P2RX7: variants seen among roughly 807,000 people sequenced by gnomAD.
P2RX7 encodes the protein P2X purinoceptor 7.
Under a neutral mutation model 71.6 loss-of-function variants are expected in P2RX7, and 62 were observed. The observed-to-expected ratio is 0.87, with a 90% CI of 0.71 to 1.07. The LOEUF is 1.07. P2RX7 is among the 50% of genes least tolerant of loss of function. The probability of loss-of-function intolerance (pLI) is 0.00; values close to 1 mark genes in which losing one functional copy is unlikely to be tolerated. For missense variants in P2RX7, 686 were observed against 748.5 expected (o/e 0.92, Z 0.97); for synonymous variants, 299 against 283.3 (o/e 1.06, Z -0.56).
At position 121,149,045 on chromosome 12, in the gene P2RX7, C is replaced by G; in HGVS notation, c.126-5740C>G. 1 of 579,906 alleles carries G rather than the reference C, an allele frequency of 1.7e-6. No individual in the cohort carries two copies. Among genetic ancestry groups the G allele is most frequent in the South Asian group, 1.4e-5 (1 of 69,994 alleles). 35.9% of individuals were successfully genotyped at this position (579,906 alleles called of 1,614,324 possible). ...AGAGGAACTTTGCTGAAAGGGAGGT[C>G]CTCCCTGCAGAGCTTGAAGAGCAAT... is the stretch of plus-strand genomic sequence containing the variant. On this transcript the variant is annotated intron_variant, in intron 1 of 12. Transcript: ENST00000328963. This position sits in a 1 kb window ranked among gnomAD's most constrained non-coding sequence, Gnocchi z 4.7.
intron 1 of P2RX7, among the ~76,000 whole-genome samples, chr12:121,137,565 TG>T (rs1169796104): frequency 6.6e-6 from 1 of 152,260 alleles, no homozygotes; most frequent in East Asian, 1.9e-4. Context: ...TCACCAGCTT[TG>T]CTTTTTTCCT....
chr12:121,156,638 A>G (rs1878634583), intron 3 of P2RX7, among the ~76,000 whole-genome samples: 2 of 152,146 alleles, frequency 1.3e-5, no homozygotes, highest in African/African-American at 4.8e-5. Context: ...AGCTTCTCCT[A>G]CCATGGTTCA....
intron 1 of P2RX7, among the ~76,000 whole-genome samples, chr12:121,151,001 A>G (rs1877275439): frequency 6.6e-6 from 1 of 152,214 alleles, no homozygotes; most frequent in South Asian, 2.1e-4. Flanking sequence ...GAAATAAAGC[A>G]TTACTAATCC....
chr12:121,162,378 G>T, intron 4 of P2RX7, 46 bp from the exon 5 acceptor site: 1 of 1,610,098 alleles, frequency 6.2e-7, no homozygotes. Context: ...CGTCCTCTCC[G>T]CAGTTCTTTC....
At chr12:121,162,255 T>C in intron 4 of P2RX7, 169 bp from the exon 5 acceptor site, 2 of 1,414,026 alleles carry the variant, frequency 1.4e-6, no homozygotes, top group Non-Finnish European at 1.8e-6. Context: ...CCTTGCCTTG[T>C]GTTCGTTGTG....
Position 121,184,391 on chromosome 12 carries a change from A to G in P2RX7, c.1377A>G (p.Ile459Met), listed in dbSNP as rs2136178552. Residue 459 changes from isoleucine (I) to methionine (M), a missense_variant, in exon 13 of 13, where the codon ATA (isoleucine) becomes ATG (methionine). Transcript: ENST00000328963. ...TPPIPGQPEE[I>M]QLLRKEATPR... Reference sequence around the variant, plus strand: ...CGATTCCTGGACAACCAGAGGAGATACAGCTGCTTAGAAAGGAGGCGACTC... The same window carrying G: ...CGATTCCTGGACAACCAGAGGAGATGCAGCTGCTTAGAAAGGAGGCGACTC... 6.2e-7 allele frequency: 1 copy of G among 1,614,050 alleles called. No individual in the cohort carries two copies. The highest frequency in any genetic ancestry group is 2.2e-5 in the East Asian group (1 of 44,874).
intron 8 of P2RX7, among the ~76,000 whole-genome samples, chr12:121,173,233 C>T (rs1195284888): frequency 5.3e-5 from 8 of 152,072 alleles, no homozygotes; most frequent in Admixed American, 2.6e-4. Flanking sequence ...TCACTCAGGC[C>T]GGAGTGCAGT....
intron 8 of P2RX7, among the ~76,000 whole-genome samples, chr12:121,171,452 C>T (rs951122449): frequency 2.0e-5 from 3 of 150,080 alleles, no homozygotes; most frequent in African/African-American, 7.4e-5. Flanking sequence ...GCAACCTCTG[C>T]CTCCCGGGCT....
chr12:121,177,687 C>CATTT (rs140201550), intron 11 of P2RX7, among the ~76,000 whole-genome samples: 23,944 of 142,292 alleles, frequency 0.17, 2,188 homozygotes, highest in East Asian at 0.23. Flanking sequence ...CCAATTTTGT[C>CATTT]ATTTATTTAT....
chr12:121,142,711 T>C (rs371447392), intron 1 of P2RX7, among the ~76,000 whole-genome samples: 4 of 152,236 alleles, frequency 2.6e-5, no homozygotes, highest in African/African-American at 9.6e-5. Context: ...GTGTGTCAAA[T>C]CTCCTTCTGC....
At chr12:121,146,374 C>T (rs765984858) in intron 1 of P2RX7, among the ~76,000 whole-genome samples, 1 of 144,824 alleles carries the variant, frequency 6.9e-6, no homozygotes, top group African/African-American at 2.6e-5. Flanking sequence ...CTCACTGCAA[C>T]CTCTGCCTCC....
chr12:121,146,799 A>T (rs1385738021), intron 1 of P2RX7, among the ~76,000 whole-genome samples: 2 of 152,208 alleles, frequency 1.3e-5, no homozygotes, highest in South Asian at 2.1e-4. Context: ...CAGTGAGCAC[A>T]GTGTTGAGGA....
rs201256156 is a variant in P2RX7 at position 121,184,618 on chromosome 12, C to T, written c.1604C>T (p.Ala535Val). The T allele has an allele frequency of 1.5e-4, 234 of 1,611,980 alleles. 3 individuals are homozygous for T. Among genetic ancestry groups the T allele is most frequent in the South Asian group, 1.2e-3 (108 of 90,704 alleles). Reference sequence around the variant, plus strand: ...CTGCTCTACCAGGAGCCCTTGCTGGCGCTGGATGTGGATTCCACCAACAGC... The same window carrying T: ...CTGCTCTACCAGGAGCCCTTGCTGGTGCTGGATGTGGATTCCACCAACAGC... ...FLLLYQEPLLALDVDSTNSRL... is the reference protein window; with the variant it reads ...FLLLYQEPLLVLDVDSTNSRL... Residue 535 changes from alanine to valine, a missense_variant, in exon 13 of 13, where the codon GCG becomes GTG. Ala to Val is a moderately conservative substitution (Grantham distance 64). Coordinates refer to ENST00000328963, the MANE Select transcript of P2RX7 (RefSeq NM_002562.6).
At chr12:121,160,535 C>G (rs577329709) in intron 3 of P2RX7, among the ~76,000 whole-genome samples, 2 of 152,312 alleles carry the variant, frequency 1.3e-5, no homozygotes, top group South Asian at 2.1e-4. Context: ...TCCCTGGCCA[C>G]AGTCTACTTT....
At chr12:121,133,950 C>G (rs1233846861) in intron 1 of P2RX7, among the ~76,000 whole-genome samples, 1 of 152,076 alleles carries the variant, frequency 6.6e-6, no homozygotes, top group Non-Finnish European at 1.5e-5. Context: ...TCTCAAACTC[C>G]TGGACTCAAG....
Position 121,160,885 on chromosome 12 carries a change from C to T in P2RX7, c.364-17C>T, listed in dbSNP as rs201680771. ...ACACGTCACTTACTCCCCACTCTGT[C>T]ATCCTTCTATCTGCAGTATCCCACC... On this transcript the variant is annotated splice_polypyrimidine_tract_variant and intron_variant, in intron 3 of 12. Transcript: ENST00000328963. 244 of 1,603,154 alleles carry T rather than the reference C, an allele frequency of 1.5e-4. 4 individuals carry two copies. In the South Asian group the frequency reaches 2.5e-3, roughly 16 times the overall value.
At chr12:121,157,315 C>A (rs1878771838) in intron 3 of P2RX7, among the ~76,000 whole-genome samples, 1 of 152,224 alleles carries the variant, frequency 6.6e-6, no homozygotes, top group Non-Finnish European at 1.5e-5. Context: ...TCCAGGACCT[C>A]TGGGCAAAAG....
At chr12:121,141,051 A>G (rs1226295121) in intron 1 of P2RX7, among the ~76,000 whole-genome samples, 2 of 152,156 alleles carry the variant, frequency 1.3e-5, no homozygotes, top group African/African-American at 4.8e-5. Flanking sequence ...ACACCACTGC[A>G]CTCCAGCCTG....
At chr12:121,183,273 T>G (rs1219763529) in intron 12 of P2RX7, among the ~76,000 whole-genome samples, 1 of 151,918 alleles carries the variant, frequency 6.6e-6, no homozygotes, top group South Asian at 2.1e-4. Context: ...AATATTTTTG[T>G]TAAAAACTAA....
Sources: allele counts gnomAD v4.1 joint callset (sites outside exome capture counted in the v4.1 genomes callset), GRCh38; gene constraint gnomAD v4.1.1; non-coding constraint Gnocchi (gnomAD v3.1); transcripts MANE v1.5; gene names NCBI Gene and HGNC (gene_info 2026-07-23, HGNC 2026-07-21).